The following GALK1 variants were observed in gnomAD, a reference collection of about 807,000 sequenced individuals.
GALK1 encodes galactokinase 1.
Under a neutral mutation model 38.6 loss-of-function variants are expected in GALK1, and 30 were observed. The observed-to-expected ratio is 0.78, with a 90% CI of 0.58 to 1.05. The LOEUF is 1.05. GALK1 is among the 50% of genes least tolerant of loss of function. The pLI, the probability that GALK1 is intolerant of heterozygous loss-of-function variation, is 0.00. For missense variants in GALK1, 512 were observed against 540.5 expected (o/e 0.95, Z 0.52); for synonymous variants, 240 against 233.6 (o/e 1.03, Z -0.25).
chr17:75,752,415 C>T (rs1357493101), intron 8 of GALK1: 1 of 1,612,900 alleles, frequency 6.2e-7, no homozygotes, highest in Non-Finnish European at 8.5e-7. Flanking sequence ...GGGCAGCAGC[C>T]AGGGCCCTGG....
intron 1 of GALK1, chr17:75,764,443 T>A (rs778800905): frequency 1.8e-6 from 1 of 569,774 alleles, no homozygotes; most frequent in Admixed American, 1.9e-5. Context: ...AAGCTGCAGA[T>A]GGGGCGGAAA....
At position 75,765,173 on chromosome 17, in the gene GALK1, C is replaced by T. The variant is rs2061605974; in HGVS notation, c.-37G>A. On this transcript the variant is annotated 5_prime_UTR_variant, in exon 1 of 8. In the 5' UTR this introduces an upstream ATG that the reference lacks. Coordinates refer to ENST00000588479, the MANE Select transcript of GALK1 (RefSeq NM_000154.2). The stretch of plus-strand genomic sequence containing the variant: ...GCAGCTCTGCACAGCTGCTCCGGCA[C>T]AGCCCCGTCGGCGCGGGATGCTCGG... 1 of 1,417,334 alleles carries T rather than the reference C, an allele frequency of 7.1e-7. No homozygotes were observed. Among genetic ancestry groups the T allele is most frequent in the Non-Finnish European group, 9.2e-7 (1 of 1,089,766 alleles). The allele number at this position is 1,417,334 out of a possible 1,614,324, so 87.8% of individuals were successfully genotyped here. A position where few individuals can be genotyped will look rare whatever the true frequency, so the allele number is the denominator to read the frequency against.
chr17:75,753,934 C>A, downstream of GALK1: 1 of 1,282,056 alleles, frequency 7.8e-7, no homozygotes, highest in Non-Finnish European at 9.8e-7. Flanking sequence ...GCGGGAAGGG[C>A]GGCAGCCTGC....
At chr17:75,762,106 C>T (rs1271429545) in intron 5 of GALK1, among the ~76,000 whole-genome samples, 2 of 152,190 alleles carry the variant, frequency 1.3e-5, no homozygotes, top group Admixed American at 1.3e-4. Flanking sequence ...AGGAGGACCA[C>T]TTGAGGCCAG....
downstream of GALK1, chr17:75,754,930 G>T (rs146183690): frequency 3.2e-6 from 5 of 1,548,406 alleles, no homozygotes; most frequent in African/African-American, 2.7e-5. Context: ...ATACACACAC[G>T]CATGCACACA....
intron 5 of GALK1, among the ~76,000 whole-genome samples, chr17:75,761,347 T>G (rs1310361604): frequency 6.6e-6 from 1 of 151,336 alleles, no homozygotes; most frequent in African/African-American, 2.4e-5. Flanking sequence ...GGAGGCCAGG[T>G]GCAGTGGCTC....
In GALK1 at chr17:75,764,975, AGGCAGCACCAGGCCCT is replaced by A; in HGVS notation, c.146_161del (p.Gln49LeufsTer7). 6.2e-7 allele frequency: 1 copy of A among 1,608,010 alleles called. No individual in the cohort carries two copies. The highest frequency in any genetic ancestry group is 8.5e-7 in the Non-Finnish European group (1 of 1,177,886). On this transcript the variant is annotated frameshift_variant, in exon 1 of 8. Transcript: ENST00000588479. LOFTEE classifies it high-confidence loss of function. ...GGCTCCCCGTGCAGCCCCTCACCATAGGCAGCACCAGGCCCTGGTTGTAGTCCGTGTGTTCCCCGAT... is the reference window on the plus strand; with the variant it reads ...GGCTCCCCGTGCAGCCCCTCACCATAGGTTGTAGTCCGTGTGTTCCCCGAT...
chr17:75,754,631 G>T (rs1437402982), downstream of GALK1: 58 of 1,613,866 alleles, frequency 3.6e-5, no homozygotes, highest in Non-Finnish European at 4.7e-5. Context: ...CCAACTCCCT[G>T]CACAGGATGA....
chr17:75,758,154 G>C (rs745780334), intron 7 of GALK1, 27 bp from the exon 8 acceptor site: 97 of 1,611,592 alleles, frequency 6.0e-5, no homozygotes, highest in Non-Finnish European at 8.0e-5. Flanking sequence ...GGGGGTGAGT[G>C]GCAGGGCCCC....
intron 5 of GALK1, 54 bp from the exon 6 acceptor site, chr17:75,758,653 G>A (rs1203404445): frequency 1.6e-5 from 24 of 1,547,224 alleles, no homozygotes; most frequent in Admixed American, 3.8e-5. Context: ...GGGCCCCGAC[G>A]CCTGTGAGGA....
chr17:75,754,169 T>A (rs552239268), downstream of GALK1, among the ~76,000 whole-genome samples: 43 of 152,220 alleles, frequency 2.8e-4, no homozygotes, highest in African/African-American at 7.9e-4. Flanking sequence ...TGGGCCCTTA[T>A]GGTGCCTGCC....
chr17:75,752,058 C>T, intron 8 of GALK1: 1 of 1,170,430 alleles, frequency 8.5e-7, no homozygotes, highest in Non-Finnish European at 1.3e-6. Flanking sequence ...CTTTGCCTTG[C>T]TTCCCCAGCC....
chr17:75,758,049 G>C lies in GALK1; in HGVS notation c.*7C>G. 6.2e-7 allele frequency: 1 copy of C among 1,612,724 alleles called. No homozygotes were observed. The highest frequency in any genetic ancestry group is 1.1e-5 in the South Asian group (1 of 91,070). ...GCACCCTCACCGTGTGCTGTCCTGG[G>C]GGTGCCTCACAAGCACAGCACCTTG... On this transcript the variant is annotated 3_prime_UTR_variant, in exon 8 of 8. Coordinates refer to ENST00000588479, the MANE Select transcript of GALK1 (RefSeq NM_000154.2).
chr17:75,764,417 TACCTGTGCAC>T, intron 1 of GALK1: 1 of 593,442 alleles, frequency 1.7e-6, no homozygotes, highest in South Asian at 1.4e-5. Context: ...GGACATCCTG[TACCTGTGCAC>T]TCCCCAAGCT....
chr17:75,756,476 G>A (rs763846014), downstream of GALK1: 3 of 1,613,368 alleles, frequency 1.9e-6, no homozygotes, highest in Admixed American at 1.7e-5. Flanking sequence ...GACCTCGGTG[G>A]TGGTGGAAGA....
intron 5 of GALK1, 43 bp downstream of exon 5, chr17:75,762,661 G>A (rs2061592088): frequency 1.2e-6 from 2 of 1,603,948 alleles, no homozygotes; most frequent in Non-Finnish European, 1.7e-6. Context: ...CGCCAGCAGG[G>A]AGCACAGCCG....
At chr17:75,757,880 T>G (rs1364161049), downstream of GALK1, 1 of 769,016 alleles carries the variant, frequency 1.3e-6, no homozygotes, top group Non-Finnish European at 2.2e-6. Flanking sequence ...GGGGAGCGGT[T>G]CTGACATCCC....
In GALK1 at chr17:75,762,897, T is replaced by A; in HGVS notation, c.612-12A>T. The A allele has an allele frequency of 1.2e-6, 2 of 1,612,342 alleles. No individual in the cohort carries two copies. Among genetic ancestry groups the A allele is most frequent in the Non-Finnish European group, 1.7e-6 (2 of 1,179,682 alleles). Reference sequence around the variant, plus strand: ...TGGTCTCCAAGGACCTGGGGTGGAGTTACAATGGGGGAGATGACGAGGCCA... The same window carrying A: ...TGGTCTCCAAGGACCTGGGGTGGAGATACAATGGGGGAGATGACGAGGCCA... On this transcript the variant is annotated splice_polypyrimidine_tract_variant and intron_variant, in intron 4 of 7. Transcript: ENST00000588479.
chr17:75,757,589 A>G (rs746289175), downstream of GALK1: 14 of 1,612,516 alleles, frequency 8.7e-6, no homozygotes, highest in East Asian at 3.1e-4. Context: ...ACGTCCCACT[A>G]GGCGTCCTCC....
Sources: gnomAD v4.1 joint callset for allele counts (sites outside exome capture counted in the v4.1 genomes callset) on GRCh38, gnomAD v4.1.1 for gene constraint, MANE v1.5 for transcripts, NCBI Gene and HGNC (gene_info 2026-07-23, HGNC 2026-07-21) for gene names.